Variants in SPAG1 observed in about 807,000 individuals in gnomAD.
SPAG1 encodes the protein sperm associated antigen 1.
SPAG1 carries 69 observed loss-of-function variants against 100.5 expected under a neutral mutation model. The observed-to-expected ratio is 0.69, with a 90% CI of 0.57 to 0.84. The LOEUF is 0.84. Among genes scored for constraint, SPAG1 ranks in the 40% least tolerant of loss-of-function variants. SPAG1 has a pLI of 0.00. For missense variants in SPAG1, 955 were observed against 1,133.1 expected, an observed-to-expected ratio of 0.84 and a Z score of 2.26; for synonymous variants, 336 against 411.6, an observed-to-expected ratio of 0.82 and a Z score of 2.22.
chr8:100,172,019 C>T (rs1267997992), intron 3 of SPAG1, among the ~76,000 whole-genome samples: 4 of 152,034 alleles, frequency 2.6e-5, no homozygotes, highest in African/African-American at 4.8e-5. Flanking sequence ...CTCAGCCTCC[C>T]GAGAAGCTGG....
intron 16 of SPAG1, among the ~76,000 whole-genome samples, chr8:100,236,901 T>C (rs1819031630): frequency 6.6e-6 from 1 of 152,074 alleles, no homozygotes; most frequent in South Asian, 2.1e-4. Context: ...TCAATACAAA[T>C]ATCAAAAAGA....
chr8:100,199,937 C>T (rs1039764933), intron 10 of SPAG1, among the ~76,000 whole-genome samples: 3 of 151,246 alleles, frequency 2.0e-5, no homozygotes, highest in Non-Finnish European at 2.9e-5. Context: ...TAGGGTGCAG[C>T]AACTCATTTT....
chr8:100,191,344 A>G (rs1255428085), intron 8 of SPAG1, 46 bp from the exon 9 acceptor site: 1 of 1,303,180 alleles, frequency 7.7e-7, no homozygotes, highest in African/African-American at 1.5e-5. Context: ...TGTAACCATA[A>G]TGCCACATAT....
In SPAG1 at chr8:100,194,169, C is replaced by G; in HGVS notation, c.997C>G (p.Gln333Glu). ...AAATTCTGAAGCTGCATCTGAGACT[C>G]AAACCAAAGGGAAAAGGATGGTTAT... ...LKNSEAASET[Q>E]TKGKRMVIQE... The change falls in exon 10 of 19, where the codon CAA becomes GAA. Residue 333 changes from glutamine to glutamate, a missense_variant. By Grantham distance (29) the Gln-to-Glu change is conservative. Coordinates refer to ENST00000388798, the MANE Select transcript of SPAG1 (RefSeq NM_003114.5). 1 of 1,606,652 alleles carries G rather than the reference C, an allele frequency of 6.2e-7. No homozygotes were observed.
chr8:100,220,628 C>T (rs1006111604), intron 13 of SPAG1, among the ~76,000 whole-genome samples, 197 bp downstream of exon 13: 2 of 152,182 alleles, frequency 1.3e-5, no homozygotes, highest in African/African-American at 2.4e-5. Context: ...TTAATTCTGA[C>T]TTGTCCTCTA....
intron 15 of SPAG1, 132 bp downstream of exon 15, chr8:100,231,420 A>C: frequency 1.7e-6 from 1 of 598,352 alleles, no homozygotes; most frequent in South Asian, 2.9e-5. Flanking sequence ...TTTCTATAGC[A>C]AGCTGTCCTA....
rs1816948301 is a variant in SPAG1, at chr8:100,194,527, G to A, written c.1096+259G>A. On this transcript the variant is annotated intron_variant, in intron 10 of 18. Transcript: ENST00000388798. The stretch of plus-strand genomic sequence containing the variant: ...TCATCACCTTTAAATGTAAATGGCT[G>A]TGTTTATTTGACACAGACCATTTGC... 1.8e-5 allele frequency: 10 copies of A among 564,520 alleles called. No individual in the cohort carries two copies. In the South Asian group the frequency reaches 2.3e-4, roughly 13 times the overall value. 35.0% of individuals were successfully genotyped at this position (564,520 alleles called of 1,614,324 possible).
intron 7 of SPAG1, 44 bp from the exon 8 acceptor site, chr8:100,187,076 T>G: frequency 6.4e-7 from 1 of 1,570,280 alleles, no homozygotes; most frequent in Non-Finnish European, 8.6e-7. Flanking sequence ...CATTCTTATG[T>G]TTACCTTAGG....
At chr8:100,185,858 C>T (rs972222950) in intron 7 of SPAG1, among the ~76,000 whole-genome samples, 1 of 152,110 alleles carries the variant, frequency 6.6e-6, no homozygotes, top group African/African-American at 2.4e-5. Flanking sequence ...TCAGTACAGC[C>T]TCCCCTGTTC....
At chr8:100,220,551 T>TCA in intron 13 of SPAG1, 120 bp downstream of exon 13, 1 of 725,416 alleles carries the variant, frequency 1.4e-6, no homozygotes, top group Admixed American at 2.9e-5. Flanking sequence ...ACCTGAATGA[T>TCA]TGCCTTCTTT....
chr8:100,204,065 C>T (rs1366099614), intron 10 of SPAG1, among the ~76,000 whole-genome samples: 1 of 152,160 alleles, frequency 6.6e-6, no homozygotes, highest in African/African-American at 2.4e-5. Context: ...TCCCCATACC[C>T]AGTAGTGGCA....
chr8:100,171,760 C>T (rs889241998), intron 3 of SPAG1, among the ~76,000 whole-genome samples: 1 of 152,230 alleles, frequency 6.6e-6, no homozygotes, highest in African/African-American at 2.4e-5. Flanking sequence ...TTTCAAGAAT[C>T]ACTGTCCTGT....
rs777488014 is a variant in SPAG1, at chr8:100,194,149, C to T, written c.977C>T (p.Ser326Phe). 30 of 1,591,958 alleles carry T rather than the reference C, an allele frequency of 1.9e-5. No individual in the cohort carries two copies. Among genetic ancestry groups the T allele is most frequent in the Non-Finnish European group, 2.5e-5 (29 of 1,172,378 alleles). ...GAGGTTGAAAGAGATCTGAAAAATT[C>T]TGAAGCTGCATCTGAGACTCAAACC... ...LSEVERDLKN[S>F]EAASETQTKG... is the part of the protein sequence containing the mutation. Residue 326 changes from serine (S) to phenylalanine (F), a missense_variant, in exon 10 of 19, where the codon TCT becomes TTT. Transcript: ENST00000388798.
intron 10 of SPAG1, 71 bp from the exon 11 acceptor site, chr8:100,213,019 G>GCCTCCGCGA (rs1261346984): frequency 8.1e-7 from 1 of 1,241,372 alleles, no homozygotes; most frequent in African/African-American, 1.9e-5. Context: ...CACCCCCGCG[G>GCCTCCGCGA]CCTCCGCGGC....
chr8:100,240,080 T>C (rs1819188114), intron 17 of SPAG1, among the ~76,000 whole-genome samples: 2 of 152,292 alleles, frequency 1.3e-5, no homozygotes, highest in Middle Eastern at 3.4e-3. Context: ...AATCGAGCAA[T>C]GTAAGTTCAT....
rs556715100 is a variant in SPAG1, at chr8:100,187,244, G to T, written c.826G>T (p.Val276Leu). 1.9e-6 allele frequency: 3 copies of T among 1,604,670 alleles called. No individual in the cohort carries two copies. Among genetic ancestry groups the T allele is most frequent in the East Asian group, 2.2e-5 (1 of 44,594 alleles). ...GGTCTTGGAGTTAGAACCTGGAAACGTAAAGGGTAAAAAATATTATAGAAT... is the reference window on the plus strand; with the variant it reads ...GGTCTTGGAGTTAGAACCTGGAAACTTAAAGGGTAAAAAATATTATAGAAT... ...EKVLELEPGN[V>L]KALLRRATTY... is the part of the protein sequence containing the mutation. The change falls in exon 8 of 19, where the codon GTA becomes TTA. Residue 276 changes from valine to leucine, a missense_variant. Physicochemically the swap from Val to Leu is conservative, Grantham distance 32 (BLOSUM62 1). Coordinates refer to ENST00000388798, the MANE Select transcript of SPAG1 (RefSeq NM_003114.5).
At chr8:100,213,674 C>T in intron 11 of SPAG1, 145 bp from the exon 12 acceptor site, 2 of 582,010 alleles carry the variant, frequency 3.4e-6, no homozygotes, top group South Asian at 2.5e-5. Context: ...GTGGCTGTTG[C>T]GGGTAGCAGC....
At chr8:100,183,120 G>A (rs750169797) in intron 4 of SPAG1, among the ~76,000 whole-genome samples, 14 of 151,990 alleles carry the variant, frequency 9.2e-5, no homozygotes, top group Non-Finnish European at 7.4e-5. Flanking sequence ...TTAAAGGTGT[G>A]CGCCACCATG....
chr8:100,212,301 G>T (rs993045085), intron 10 of SPAG1, among the ~76,000 whole-genome samples: 3 of 152,138 alleles, frequency 2.0e-5, no homozygotes, highest in Non-Finnish European at 4.4e-5. Context: ...ATAAGAATTC[G>T]TTAAAAGAGA....
Sources: allele counts gnomAD v4.1 joint callset (sites outside exome capture counted in the v4.1 genomes callset), GRCh38; gene constraint gnomAD v4.1.1; transcripts MANE v1.5; gene names NCBI Gene and HGNC (gene_info 2026-07-23, HGNC 2026-07-21).